The following PIAS4 variants were observed in gnomAD, a reference collection of about 807,000 sequenced individuals.
PIAS4 encodes the protein protein inhibitor of activated STAT 4, also known as E3 SUMO-protein ligase PIAS4.
Under a neutral mutation model 58.0 loss-of-function variants are expected in PIAS4, and 7 were observed. The ratio of observed to expected loss-of-function variants is 0.12; its 90% CI spans 0.07 to 0.23. The LOEUF is 0.23. Among genes scored for constraint, PIAS4 ranks in the 10% least tolerant of loss-of-function variants. The probability of loss-of-function intolerance (pLI) is 1.00; values close to 1 mark genes in which losing one functional copy is unlikely to be tolerated. For synonymous variants in PIAS4, 364 were observed against 312.4 expected, an observed-to-expected ratio of 1.17 and a Z score of -1.74; for missense variants, 550 against 709.5, an observed-to-expected ratio of 0.78 and a Z score of 2.55.
At chr19:4,018,275 C>G (rs564666587) in intron 2 of PIAS4, among the ~76,000 whole-genome samples, 1 of 152,364 alleles carries the variant, frequency 6.6e-6, no homozygotes, top group South Asian at 2.1e-4. Flanking sequence ...CCGCCTTCTC[C>G]CTTTGCATGT....
At chr19:4,022,771 C>T (rs1367290291) in intron 2 of PIAS4, among the ~76,000 whole-genome samples, 1 of 151,824 alleles carries the variant, frequency 6.6e-6, no homozygotes, top group Non-Finnish European at 1.5e-5. Flanking sequence ...CTCTCAGCTT[C>T]AGACAATTCT....
chr19:4,008,244 A>G (rs559002278), intron 1 of PIAS4, among the ~76,000 whole-genome samples: 11 of 151,936 alleles, frequency 7.2e-5, no homozygotes, highest in African/African-American at 2.7e-4. Context: ...CAGGACTGCT[A>G]TCTGGGTCTC....
rs748887527 is a variant in PIAS4, at chr19:4,033,586, C to T, written c.1142+6C>T. 1.3e-6 allele frequency: 2 copies of T among 1,592,670 alleles called. No homozygotes were observed. Among genetic ancestry groups the T allele is most frequent in the Admixed American group, 3.5e-5 (2 of 57,936 alleles). ...GACCAGCTCATCATCGACGGGTGAG[C>T]CCGGGGCCCCGGGGAGGGCGGCCGG... On this transcript the variant is annotated splice_donor_region_variant and intron_variant, in intron 9 of 10. Transcript: ENST00000262971.
rs146390564 is a variant in PIAS4, at chr19:4,027,270, G to T, written c.540-876G>T. The stretch of plus-strand genomic sequence containing the variant: ...CCCAAAGTGCCAGGGTTACTGGCGT[G>T]AGCCACCTGCCTTGTGTGTCCTTTC... On this transcript the variant is annotated intron_variant, in intron 3 of 10. Coordinates refer to ENST00000262971, the MANE Select transcript of PIAS4 (RefSeq NM_015897.4). 5.9e-5 allele frequency among the ~76,000 whole-genome samples: 9 copies of T among 152,346 alleles called. No homozygotes were observed. In the East Asian group the frequency reaches 1.7e-3, roughly 29 times the overall value.
intron 3 of PIAS4, among the ~76,000 whole-genome samples, chr19:4,027,417 C>T (rs1019565115): frequency 3.3e-5 from 5 of 152,170 alleles, no homozygotes; most frequent in African/African-American, 7.2e-5. Flanking sequence ...CTTCGGTCTA[C>T]GGAAGGACAC....
chr19:4,033,325 T>A, intron 8 of PIAS4, 95 bp from the exon 9 acceptor site: 2 of 1,353,042 alleles, frequency 1.5e-6, no homozygotes, highest in Non-Finnish European at 2.0e-6. Context: ...CATGAGTGAT[T>A]GGAGCGAGCC....
rs777241317 is a variant in PIAS4 at position 4,012,904 on chromosome 19, T to C, written c.28-19T>C. 2 of 1,598,618 alleles carry C rather than the reference T, an allele frequency of 1.3e-6. No homozygotes were observed. Among genetic ancestry groups the C allele is most frequent in the South Asian group, 2.2e-5 (2 of 89,270 alleles). On this transcript the variant is annotated intron_variant, in intron 1 of 10. Coordinates refer to ENST00000262971, the MANE Select transcript of PIAS4 (RefSeq NM_015897.4). ...CGCAGCTGTGTCCTCTGAGTGTGTGTGTGCTTGCTCCTCCTCAGAACATGG... is the reference window on the plus strand; with the variant it reads ...CGCAGCTGTGTCCTCTGAGTGTGTGCGTGCTTGCTCCTCCTCAGAACATGG...
chr19:4,023,613 G>A (rs1054535524), intron 2 of PIAS4, among the ~76,000 whole-genome samples: 2 of 152,160 alleles, frequency 1.3e-5, no homozygotes, highest in Non-Finnish European at 2.9e-5. Context: ...ACCTCTGTCC[G>A]GGTGACGTGG....
At chr19:4,023,931 C>G (rs759523624) in intron 2 of PIAS4, 105 bp from the exon 3 acceptor site, 298 of 800,842 alleles carry the variant, frequency 3.7e-4, no homozygotes, top group Non-Finnish European at 5.9e-4. Flanking sequence ...GCCAACTTCC[C>G]ATTTCCTGTT....
intron 7 of PIAS4, among the ~76,000 whole-genome samples, chr19:4,030,292 A>AT (rs936094358): frequency 1.4e-5 from 2 of 144,572 alleles, no homozygotes; most frequent in Admixed American, 6.8e-5. Context: ...AATGAAAACA[A>AT]TTTTTTTTAA....
intron 2 of PIAS4, among the ~76,000 whole-genome samples, chr19:4,023,485 C>G (rs2040131171): frequency 6.6e-6 from 1 of 152,096 alleles, no homozygotes; most frequent in African/African-American, 2.4e-5. Flanking sequence ...CAAAACAAAA[C>G]AAACAAAAAC....
At chr19:4,011,067 T>C (rs1294585332) in intron 1 of PIAS4, among the ~76,000 whole-genome samples, 1 of 152,210 alleles carries the variant, frequency 6.6e-6, no homozygotes, top group Non-Finnish European at 1.5e-5. Flanking sequence ...GGTCTCACCC[T>C]GGGGCAGCCA....
chr19:4,008,040 C>A (rs1054796361), intron 1 of PIAS4, among the ~76,000 whole-genome samples: 1 of 151,714 alleles, frequency 6.6e-6, no homozygotes, highest in Non-Finnish European at 1.5e-5. Context: ...CAGGGTCCCC[C>A]CACCCAGCCC....
intron 2 of PIAS4, among the ~76,000 whole-genome samples, chr19:4,014,452 C>T (rs1041754012): frequency 1.3e-5 from 2 of 152,154 alleles, no homozygotes; most frequent in Non-Finnish European, 2.9e-5. Flanking sequence ...AGATAGGGAG[C>T]GGAACGTCCT....
intron 3 of PIAS4, among the ~76,000 whole-genome samples, chr19:4,024,783 G>A (rs2040145872): frequency 6.6e-6 from 1 of 151,878 alleles, no homozygotes; most frequent in Non-Finnish European, 1.5e-5. Flanking sequence ...TTGAGACTGA[G>A]TGTAGCTCTT....
At chr19:4,032,156 A>AGG in intron 7 of PIAS4, among the ~76,000 whole-genome samples, 1 of 150,158 alleles carries the variant, frequency 6.7e-6, no homozygotes, top group South Asian at 2.1e-4. Flanking sequence ...CAGGCCAATA[A>AGG]GGGGTGGTAG....
At position 4,038,068 on chromosome 19, in the gene PIAS4, G is replaced by C; in HGVS notation, c.*193G>C. ...GGGGGATTAAAAAAAAAAGTAAAAT[G>C]ACAAAAAAAGATACAAAAAAGAAAA... On this transcript the variant is annotated 3_prime_UTR_variant, in exon 11 of 11. Transcript: ENST00000262971. This position sits in a 1 kb window ranked among gnomAD's most constrained non-coding sequence, Gnocchi z 4.1. The C allele has an allele frequency of 1.9e-6, 1 of 538,992 alleles. No homozygotes were observed. Among genetic ancestry groups the C allele is most frequent in the Non-Finnish European group, 3.1e-6 (1 of 319,772 alleles). 33.4% of individuals were successfully genotyped at this position (538,992 alleles called of 1,614,324 possible).
intron 1 of PIAS4, among the ~76,000 whole-genome samples, chr19:4,008,519 C>T (rs564162748): frequency 1.1e-4 from 17 of 152,300 alleles, no homozygotes; most frequent in Admixed American, 7.9e-4. Flanking sequence ...AGGCTGGGCC[C>T]TCCCTTTCCC....
At chr19:4,024,810 G>A (rs1384209389) in intron 3 of PIAS4, among the ~76,000 whole-genome samples, 1 of 151,838 alleles carries the variant, frequency 6.6e-6, no homozygotes, top group African/African-American at 2.4e-5. Context: ...CAGGCTTCCA[G>A]GCTGGAGTGC....
Sources: allele counts gnomAD v4.1 joint callset (sites outside exome capture counted in the v4.1 genomes callset), GRCh38; gene constraint gnomAD v4.1.1; non-coding constraint Gnocchi (gnomAD v3.1); transcripts MANE v1.5; gene names NCBI Gene and HGNC (gene_info 2026-07-23, HGNC 2026-07-21).